The following DNM3 variants were observed in gnomAD, a reference collection of about 807,000 sequenced individuals.
DNM3 encodes dynamin-3.
DNM3 carries 47 observed loss-of-function variants against 101.6 expected under a neutral mutation model. That is an observed-to-expected ratio of 0.46 (90% confidence interval 0.37 to 0.59). The LOEUF is 0.59. Ranked by LOEUF, DNM3 falls within the 20% of genes least tolerant of loss-of-function variation. DNM3 has a pLI of 0.00. For missense variants in DNM3, 849 were observed against 1,085.7 expected, an observed-to-expected ratio of 0.78 and a Z score of 3.06; for synonymous variants, 385 against 387.9, an observed-to-expected ratio of 0.99 and a Z score of 0.09.
intron 14 of DNM3, among the ~76,000 whole-genome samples, chr1:172,191,157 A>G (rs923297131): frequency 1.3e-5 from 2 of 152,138 alleles, no homozygotes; most frequent in Admixed American, 1.3e-4. Flanking sequence ...TAGTTCTAAC[A>G]TTTAAGTCTT....
chr1:172,152,173 C>T (rs753154713), intron 14 of DNM3, among the ~76,000 whole-genome samples: 35 of 152,086 alleles, frequency 2.3e-4, no homozygotes, highest in South Asian at 2.1e-4. Context: ...CATAAGCCAC[C>T]GTGCTGGCTA....
rs759186274 is a variant in DNM3 at position 172,408,481 on chromosome 1, T to G, written c.*640T>G. ...TCTCCTCATTCCAATGTGTTTTGCT[T>G]CATGCTAGAAGCATATGCAACAGTG... On this transcript the variant is annotated 3_prime_UTR_variant, in exon 21 of 21. Transcript: ENST00000627582. 1 of 985,436 alleles carries G rather than the reference T, an allele frequency of 1.0e-6. No homozygotes were observed. The allele number at this position is 985,436 out of a possible 1,614,324, so 61.0% of individuals were successfully genotyped here.
chr1:171,959,852 T>C (rs2043101776), intron 2 of DNM3, among the ~76,000 whole-genome samples: 1 of 151,958 alleles, frequency 6.6e-6, no homozygotes, highest in Non-Finnish European at 1.5e-5. Context: ...TAGCGAACTC[T>C]GTTTCAGAGC....
At chr1:172,051,925 G>C (rs554748042) in intron 10 of DNM3, among the ~76,000 whole-genome samples, 94 of 152,276 alleles carry the variant, frequency 6.2e-4, no homozygotes, top group African/African-American at 2.1e-3. Flanking sequence ...TGAAGAGCTT[G>C]GAGATAATTG....
chr1:172,122,674 C>T (rs773943762), intron 13 of DNM3, among the ~76,000 whole-genome samples: 1 of 152,142 alleles, frequency 6.6e-6, no homozygotes, highest in Admixed American at 6.5e-5. Context: ...AGATGCCATA[C>T]TGTAGCCAAC....
chr1:171,918,992 C>T (rs2039941564), intron 1 of DNM3, among the ~76,000 whole-genome samples: 1 of 152,106 alleles, frequency 6.6e-6, no homozygotes. Flanking sequence ...CCTTTCTTCT[C>T]TGCCTTTTTT....
At chr1:171,960,311 A>G (rs56125409) in intron 2 of DNM3, among the ~76,000 whole-genome samples, 17,524 of 152,146 alleles carry the variant, frequency 0.12, 1,207 homozygotes, top group East Asian at 0.23. Flanking sequence ...CTTCTAGGCT[A>G]TAGGACTGTG....
intron 1 of DNM3, among the ~76,000 whole-genome samples, chr1:171,901,123 AAAAAAAAAG>A (rs2038301128): frequency 2.0e-5 from 3 of 149,070 alleles, no homozygotes; most frequent in African/African-American, 4.9e-5. Context: ...AAAAAAAAAA[AAAAAAAAAG>A]AAAGAAATCT....
chr1:171,847,136 A>T lies in DNM3; in HGVS notation c.161+5319A>T, dbSNP rs558238088. On this transcript the variant is annotated intron_variant, in intron 1 of 20. Coordinates refer to ENST00000627582, the MANE Select transcript of DNM3 (RefSeq NM_015569.5). ...AGAATATACAAGAAAATATGAATACATAGAAGCTTATGTATGTATAAAAAG... is the reference window on the plus strand; with the variant it reads ...AGAATATACAAGAAAATATGAATACTTAGAAGCTTATGTATGTATAAAAAG... 2.2e-4 allele frequency among the ~76,000 whole-genome samples: 34 copies of T among 152,354 alleles called. No homozygotes were observed. The South Asian group carries it at 5.2e-3, about 23-fold the overall frequency.
intron 14 of DNM3, among the ~76,000 whole-genome samples, chr1:172,206,679 A>G (rs2060334003): frequency 1.3e-5 from 2 of 152,100 alleles, no homozygotes; most frequent in Non-Finnish European, 2.9e-5. Flanking sequence ...TGGAAAAGGC[A>G]AATAAGAAGT....
intron 13 of DNM3, among the ~76,000 whole-genome samples, chr1:172,121,363 G>A (rs2056308421): frequency 6.6e-6 from 1 of 152,212 alleles, no homozygotes; most frequent in Non-Finnish European, 1.5e-5. Flanking sequence ...GCATATGCAG[G>A]CATTTGAGCA....
chr1:171,920,209 A>T (rs189105450), intron 1 of DNM3, among the ~76,000 whole-genome samples: 1 of 152,310 alleles, frequency 6.6e-6, no homozygotes. Flanking sequence ...CCAAACTATC[A>T]GTGCAGCTAA....
intron 15 of DNM3, among the ~76,000 whole-genome samples, chr1:172,291,129 G>A (rs915093832): frequency 2.0e-5 from 3 of 152,118 alleles, no homozygotes. Flanking sequence ...GGTGGACTGA[G>A]GAAAGAATAA....
intron 20 of DNM3, among the ~76,000 whole-genome samples, chr1:172,398,864 T>G (rs1200738245): frequency 1.3e-5 from 2 of 152,234 alleles, no homozygotes; most frequent in African/African-American, 4.8e-5. Context: ...TATAAAAATT[T>G]AAAATGTGGG....
At chr1:172,054,085 A>C (rs1312758538) in intron 10 of DNM3, among the ~76,000 whole-genome samples, 1 of 152,170 alleles carries the variant, frequency 6.6e-6, no homozygotes, top group Admixed American at 6.5e-5. Flanking sequence ...TTATATATAT[A>C]TTTCTGTTAT....
At chr1:172,095,585 A>G (rs2054191796) in intron 13 of DNM3, among the ~76,000 whole-genome samples, 1 of 152,156 alleles carries the variant, frequency 6.6e-6, no homozygotes. Context: ...AGAGGCTCAA[A>G]TCCAGGGAGT....
chr1:171,960,279 C>A (rs1364657759), intron 2 of DNM3, among the ~76,000 whole-genome samples: 1 of 152,034 alleles, frequency 6.6e-6, no homozygotes, highest in Non-Finnish European at 1.5e-5. Flanking sequence ...TTTAGATGGC[C>A]CTGCCAACAC....
rs1324867790 is a variant in DNM3, at chr1:172,041,033, T to C, written c.993-976T>C. Among the ~76,000 whole-genome samples, 3 of 152,096 alleles carry C rather than the reference T, an allele frequency of 2.0e-5. No individual in the cohort carries two copies. In the East Asian group the frequency reaches 5.8e-4, roughly 29 times the overall value. On this transcript the variant is annotated intron_variant, in intron 7 of 20. Transcript: ENST00000627582. ...TGTATTATCGAATTGTGGGGATCCA[T>C]TGAAAAACAAGGCTAGAGCTAGTTT...
intron 1 of DNM3, among the ~76,000 whole-genome samples, chr1:171,883,409 ACACACC>A (rs1305843836): frequency 2.0e-5 from 1 of 48,912 alleles, no homozygotes. Flanking sequence ...ACACACACAC[ACACACC>A]CTGTCAGAAT....
Sources: allele counts gnomAD v4.1 joint callset (sites outside exome capture counted in the v4.1 genomes callset), GRCh38; gene constraint gnomAD v4.1.1; transcripts MANE v1.5; gene names NCBI Gene and HGNC (gene_info 2026-07-23, HGNC 2026-07-21).